EPCIP: variants seen among roughly 807,000 people sequenced by gnomAD.
EPCIP encodes the protein exosomal polycystin-1-interacting protein.
the EPCIP span, chr21:32,810,621 T>G: frequency 2.1e-6 from 1 of 471,540 alleles, no homozygotes; most frequent in Non-Finnish European, 4.4e-6. Flanking sequence ...GTCTTCTGTA[T>G]GTGCGTCCAC....
the EPCIP span, among the ~76,000 whole-genome samples, chr21:32,812,696 T>A: frequency 6.6e-6 from 1 of 152,186 alleles, no homozygotes; most frequent in Non-Finnish European, 1.5e-5. Context: ...GAAGTCTTTT[T>A]TTTGGTATTT....
the EPCIP span, chr21:32,813,622 C>G: frequency 2.1e-6 from 1 of 471,252 alleles, no homozygotes; most frequent in East Asian, 6.9e-5. Flanking sequence ...GGCCTCGCCT[C>G]TCCACTCCAC....
the EPCIP span, among the ~76,000 whole-genome samples, chr21:32,796,627 T>C: frequency 6.6e-6 from 1 of 152,242 alleles, no homozygotes; most frequent in Non-Finnish European, 1.5e-5. Flanking sequence ...TTGAGAAACG[T>C]GGAGAACAAG....
the EPCIP span, among the ~76,000 whole-genome samples, chr21:32,800,710 G>A: frequency 6.6e-6 from 1 of 152,186 alleles, no homozygotes; most frequent in African/African-American, 2.4e-5. Context: ...CAGCTACTCA[G>A]GAGGCTGAGG....
chr21:32,796,010 T>C, the EPCIP span, among the ~76,000 whole-genome samples: 1 of 151,112 alleles, frequency 6.6e-6, no homozygotes, highest in African/African-American at 2.4e-5. Context: ...CCCTCTTTCC[T>C]TCCCTCCTTC....
the EPCIP span, among the ~76,000 whole-genome samples, chr21:32,808,034 C>T: frequency 4.6e-5 from 7 of 152,142 alleles, no homozygotes; most frequent in African/African-American, 1.4e-4. Flanking sequence ...TTCCGAGGGG[C>T]GAAGGAAAAC....
the EPCIP span, among the ~76,000 whole-genome samples, chr21:32,813,063 T>C: frequency 6.6e-6 from 1 of 152,188 alleles, no homozygotes; most frequent in Admixed American, 6.5e-5. Flanking sequence ...GTAAATATAA[T>C]ATTATTAAAA....
the EPCIP span, among the ~76,000 whole-genome samples, chr21:32,801,792 G>A: frequency 2.0e-5 from 3 of 151,952 alleles, no homozygotes; most frequent in African/African-American, 7.3e-5. Context: ...GCAGTGAGCC[G>A]AGATTGCGCC....
At chr21:32,809,316 C>A in the EPCIP span, among the ~76,000 whole-genome samples, 198 of 134,164 alleles carry the variant, frequency 1.5e-3, no homozygotes, top group Non-Finnish European at 2.4e-3. Flanking sequence ...TTCTTTCTTT[C>A]TTTCTTTCTT....
At chr21:32,794,301 G>A in the EPCIP span, 91 of 1,614,136 alleles carry the variant, frequency 5.6e-5, no homozygotes, top group Non-Finnish European at 6.7e-5. Context: ...CTGCAGTTCC[G>A]AATGGTGTTT....
the EPCIP span, among the ~76,000 whole-genome samples, chr21:32,809,977 T>C: frequency 6.6e-6 from 1 of 152,290 alleles, no homozygotes; most frequent in East Asian, 1.9e-4. Context: ...GTTAGATTTT[T>C]AAGCCACTCC....
chr21:32,811,186 A>G, the EPCIP span, among the ~76,000 whole-genome samples: 4 of 149,666 alleles, frequency 2.7e-5, no homozygotes, highest in African/African-American at 9.8e-5. Context: ...GCTGGAGTGC[A>G]GTGGCACTAT....
chr21:32,792,916 T>C, the EPCIP span, among the ~76,000 whole-genome samples: 24 of 55,728 alleles, frequency 4.3e-4, no homozygotes, highest in Non-Finnish European at 8.2e-4. Context: ...ATTATTATTA[T>C]TTTTTTTTTT....
the EPCIP span, among the ~76,000 whole-genome samples, chr21:32,803,882 G>T: frequency 6.6e-6 from 1 of 152,156 alleles, no homozygotes; most frequent in Non-Finnish European, 1.5e-5. Context: ...GTCTCTGTGG[G>T]TGAAGATCAC....
At chr21:32,809,576 T>C in the EPCIP span, among the ~76,000 whole-genome samples, 1 of 151,850 alleles carries the variant, frequency 6.6e-6, no homozygotes, top group Non-Finnish European at 1.5e-5. Flanking sequence ...ACTGTAGTGC[T>C]CAGGCTGATC....
the EPCIP span, among the ~76,000 whole-genome samples, chr21:32,801,773 G>A: frequency 1.3e-5 from 2 of 152,264 alleles, no homozygotes; most frequent in East Asian, 3.9e-4. Context: ...AACCTGGGAG[G>A]CGGAGGTTGC....
At chr21:32,813,567 AAAG>A in the EPCIP span, 1 of 470,362 alleles carries the variant, frequency 2.1e-6, no homozygotes, top group African/African-American at 2.0e-5. Context: ...GCTTTTTAAA[AAAG>A]AAGAACACAG....
chr21:32,809,051 GT>G, the EPCIP span, among the ~76,000 whole-genome samples: 1 of 151,196 alleles, frequency 6.6e-6, no homozygotes, highest in Non-Finnish European at 1.5e-5. Flanking sequence ...TTCTTTTTTT[GT>G]TTTTTTTAAT....
the EPCIP span, among the ~76,000 whole-genome samples, chr21:32,805,369 T>TG: frequency 6.6e-6 from 1 of 151,600 alleles, no homozygotes; most frequent in African/African-American, 2.4e-5. Context: ...TATTTTTTTT[T>TG]TTTGAGATGG....
Sources: allele counts gnomAD v4.1 joint callset (sites outside exome capture counted in the v4.1 genomes callset), GRCh38; gene constraint gnomAD v4.1.1; transcripts MANE v1.5; gene names NCBI Gene and HGNC (gene_info 2026-07-23, HGNC 2026-07-21).